The following C1QTNF3 variants were observed in gnomAD, a reference collection of about 807,000 sequenced individuals.
C1QTNF3 encodes complement C1q tumor necrosis factor-related protein 3.
In C1QTNF3, 26 loss-of-function variants were observed where a neutral mutation model predicts 32.6. That is an observed-to-expected ratio of 0.80 (90% CI 0.58 to 1.11). The LOEUF is 1.11. Ranked by LOEUF, C1QTNF3 falls within the 50% of genes least tolerant of loss-of-function variation. The probability of loss-of-function intolerance (pLI) is 0.00; values close to 1 mark genes in which losing one functional copy is unlikely to be tolerated. For synonymous variants in C1QTNF3, 155 were observed against 146.0 expected (o/e 1.06, Z -0.44); for missense variants, 362 against 398.2 (o/e 0.91, Z 0.77).
At chr5:34,067,932 T>C in the C1QTNF3 span, among the ~76,000 whole-genome samples, 1 of 152,198 alleles carries the variant, frequency 6.6e-6, no homozygotes, top group Non-Finnish European at 1.5e-5. Flanking sequence ...CTAAAATCGT[T>C]CCTTATCTTA....
At chr5:34,057,405 T>C in the C1QTNF3 span, among the ~76,000 whole-genome samples, 2 of 152,174 alleles carry the variant, frequency 1.3e-5, no homozygotes, top group Admixed American at 1.3e-4. Flanking sequence ...GAAATAGTAA[T>C]AAAAAGAGTT....
chr5:34,067,190 C>A, the C1QTNF3 span, among the ~76,000 whole-genome samples: 4 of 152,304 alleles, frequency 2.6e-5, no homozygotes, highest in East Asian at 7.7e-4. Context: ...CAAAGCCATT[C>A]AACAAGTCTC....
the C1QTNF3 span, among the ~76,000 whole-genome samples, chr5:34,071,880 A>G: frequency 5.9e-5 from 9 of 152,298 alleles, no homozygotes; most frequent in African/African-American, 2.2e-4. Context: ...TGGAACAGAA[A>G]TAGAAATTAC....
rs566955311 is a variant in C1QTNF3, at chr5:34,032,906, T to A, written c.570+398A>T. Reference sequence around the variant, plus strand: ...AATATAACAATGTTAATAAATACAATATTATAACTAGACATTTCATCATTC... The same window carrying A: ...AATATAACAATGTTAATAAATACAAAATTATAACTAGACATTTCATCATTC... On this transcript the variant is annotated intron_variant, in intron 3 of 5. Coordinates refer to ENST00000382065, the MANE Select transcript of C1QTNF3 (RefSeq NM_181435.6). 2.6e-3 allele frequency among the ~76,000 whole-genome samples: 402 copies of A among 152,320 alleles called. 1 individual carries two copies. Among genetic ancestry groups the A allele is most frequent in the African/African-American group, 9.4e-3 (391 of 41,574 alleles).
At chr5:34,197,459 T>G in the C1QTNF3 span, among the ~76,000 whole-genome samples, 1 of 152,228 alleles carries the variant, frequency 6.6e-6, no homozygotes, top group South Asian at 2.1e-4. Flanking sequence ...GTTTTTACGG[T>G]CAATCAATGG....
At chr5:34,049,217 C>T in the C1QTNF3 span, among the ~76,000 whole-genome samples, 204 of 152,270 alleles carry the variant, frequency 1.3e-3, no homozygotes, top group African/African-American at 4.8e-3. Flanking sequence ...CAGAATTAGC[C>T]TCATTGTACC....
At chr5:34,101,401 G>A in the C1QTNF3 span, among the ~76,000 whole-genome samples, 4 of 152,040 alleles carry the variant, frequency 2.6e-5, no homozygotes, top group African/African-American at 9.7e-5. Context: ...GCCTCATAAG[G>A]TTGATGTGAG....
the C1QTNF3 span, among the ~76,000 whole-genome samples, chr5:34,202,664 A>T: frequency 2.0e-5 from 3 of 151,954 alleles, no homozygotes; most frequent in Non-Finnish European, 4.4e-5. Flanking sequence ...ATGTTAATTG[A>T]TATGTATATG....
the C1QTNF3 span, among the ~76,000 whole-genome samples, chr5:34,193,859 C>G: frequency 4.7e-4 from 72 of 152,406 alleles, no homozygotes; most frequent in African/African-American, 1.7e-3. Context: ...AAGTCTATTA[C>G]AGTTATAGCT....
At chr5:34,239,228 A>G in the C1QTNF3 span, 1 of 152,128 alleles carries the variant, frequency 6.6e-6, no homozygotes, top group Non-Finnish European at 1.5e-5. Context: ...TAAAGTATCT[A>G]CACAATCAAG....
the C1QTNF3 span, among the ~76,000 whole-genome samples, chr5:34,084,392 C>A: frequency 6.6e-6 from 1 of 151,682 alleles, no homozygotes; most frequent in Non-Finnish European, 1.5e-5. Context: ...CTGTTTTGAG[C>A]TGTTCTAGAG....
upstream of C1QTNF3, chr5:34,043,959 C>T (rs534917318): frequency 5.3e-5 from 8 of 152,238 alleles, no homozygotes; most frequent in East Asian, 3.9e-4. Context: ...GAAACGGGGC[C>T]GGGCACAGTG....
intron 4 of C1QTNF3, among the ~76,000 whole-genome samples, chr5:34,026,308 G>A (rs1273855265): frequency 6.6e-6 from 1 of 152,102 alleles, no homozygotes; most frequent in East Asian, 1.9e-4. Context: ...CTCCCTGATA[G>A]TGAGGGCCAC....
the C1QTNF3 span, among the ~76,000 whole-genome samples, chr5:34,201,769 A>G: frequency 6.6e-6 from 1 of 152,338 alleles, no homozygotes; most frequent in East Asian, 1.9e-4. Flanking sequence ...AGGAAATAAA[A>G]ACCGCAATAG....
the C1QTNF3 span, among the ~76,000 whole-genome samples, chr5:34,219,340 A>G: frequency 1.3e-5 from 2 of 151,806 alleles, no homozygotes; most frequent in South Asian, 2.1e-4. Flanking sequence ...TCTTTGTACA[A>G]TATTAAAATT....
chr5:34,126,338 C>T, the C1QTNF3 span, among the ~76,000 whole-genome samples: 5 of 149,726 alleles, frequency 3.3e-5, no homozygotes, highest in East Asian at 9.8e-4. Context: ...TGCATAAGAA[C>T]CTTGGTGGCA....
At position 34,039,702 on chromosome 5, in the gene C1QTNF3, A is replaced by G. The variant is rs1032197998; in HGVS notation, c.303+3121T>C. On this transcript the variant is annotated intron_variant, in intron 1 of 5. Coordinates refer to ENST00000382065, the MANE Select transcript of C1QTNF3 (RefSeq NM_181435.6). ...TCAGAGAATCTTCAGAGGATGAAAC[A>G]AGAGAAGATTTCCCACTTTTCCACT... 4.4e-4 allele frequency among the ~76,000 whole-genome samples: 67 copies of G among 152,118 alleles called. 1 individual carries two copies. The highest frequency in any genetic ancestry group is 1.4e-3 in the African/African-American group (58 of 41,464).
chr5:34,087,822 G>A, the C1QTNF3 span, among the ~76,000 whole-genome samples: 2 of 152,150 alleles, frequency 1.3e-5, no homozygotes, highest in African/African-American at 2.4e-5. Flanking sequence ...GAGCTCAAGC[G>A]ATCTCTCTGC....
At chr5:34,188,357 C>T in the C1QTNF3 span, among the ~76,000 whole-genome samples, 1 of 152,310 alleles carries the variant, frequency 6.6e-6, no homozygotes, top group African/African-American at 2.4e-5. Context: ...AAAGGGGCCA[C>T]CATCCTCCAG....
Sources: gnomAD v4.1 joint callset for allele counts (sites outside exome capture counted in the v4.1 genomes callset) on GRCh38, gnomAD v4.1.1 for gene constraint, MANE v1.5 for transcripts, NCBI Gene and HGNC (gene_info 2026-07-23, HGNC 2026-07-21) for gene names.